Variants in UGT8 observed in about 807,000 individuals in gnomAD.
UGT8 encodes the protein UDP glycosyltransferase 8.
In UGT8, 12 loss-of-function variants were observed where a neutral mutation model predicts 40.5. That is an observed-to-expected ratio of 0.30 (90% CI 0.19 to 0.48). The LOEUF is 0.48. UGT8 is among the 20% of genes least tolerant of loss of function. The probability of loss-of-function intolerance (pLI) is 0.99; values close to 1 mark genes in which losing one functional copy is unlikely to be tolerated. For missense variants in UGT8, 513 were observed against 648.7 expected (o/e 0.79, Z 2.27); for synonymous variants, 224 against 240.4 (o/e 0.93, Z 0.63).
At chr4:114,609,775 TA>T (rs1286676131) in intron 1 of UGT8, among the ~76,000 whole-genome samples, 1 of 152,174 alleles carries the variant, frequency 6.6e-6, no homozygotes, top group Non-Finnish European at 1.5e-5. Flanking sequence ...TGATACTACT[TA>T]AATGCAGTCC....
intron 2 of UGT8, among the ~76,000 whole-genome samples, chr4:114,645,336 C>T (rs758672712): frequency 7.2e-5 from 11 of 152,094 alleles, no homozygotes; most frequent in Non-Finnish European, 1.0e-4. Context: ...CTCATGATAT[C>T]CTATGAGGTG....
chr4:114,617,369 T>G (rs1026438734), intron 1 of UGT8, among the ~76,000 whole-genome samples: 1 of 152,188 alleles, frequency 6.6e-6, no homozygotes, highest in African/African-American at 2.4e-5. Flanking sequence ...CCAAATTAAT[T>G]CACACTGAAA....
At chr4:114,671,265 C>G (rs768277604) in intron 5 of UGT8, among the ~76,000 whole-genome samples, 1 of 152,150 alleles carries the variant, frequency 6.6e-6, no homozygotes, top group Non-Finnish European at 1.5e-5. Flanking sequence ...CTATTCCCAT[C>G]AAACTACCAT....
intron 1 of UGT8, among the ~76,000 whole-genome samples, chr4:114,599,563 G>A (rs1730311030): frequency 6.6e-6 from 1 of 152,222 alleles, no homozygotes; most frequent in African/African-American, 2.4e-5. Flanking sequence ...CCGTTTCCGC[G>A]TGCCCGCGCG....
At position 114,676,388 on chromosome 4, in the gene UGT8, A is replaced by G. The variant is rs946935680; in HGVS notation, c.*100A>G. The stretch of plus-strand genomic sequence containing the variant: ...ACTAAAAGTAAAACATCAGTAAACA[A>G]TTCTAACATGCCCTTATGAGATCTA... On this transcript the variant is annotated 3_prime_UTR_variant, in exon 6 of 6. Transcript: ENST00000310836. 1.2e-5 allele frequency: 12 copies of G among 1,009,054 alleles called. No individual in the cohort carries two copies. The highest frequency in any genetic ancestry group is 1.6e-5 in the Non-Finnish European group (11 of 691,492). 62.5% of individuals were successfully genotyped at this position (1,009,054 alleles called of 1,614,324 possible).
At chr4:114,667,469 G>A (rs1734959033) in intron 4 of UGT8, among the ~76,000 whole-genome samples, 1 of 152,046 alleles carries the variant, frequency 6.6e-6, no homozygotes, top group Non-Finnish European at 1.5e-5. Context: ...ACAACTAAAT[G>A]TTATGTGATG....
chr4:114,642,624 A>G (rs1003031376), intron 2 of UGT8, among the ~76,000 whole-genome samples: 1 of 152,106 alleles, frequency 6.6e-6, no homozygotes, highest in African/African-American at 2.4e-5. Flanking sequence ...AGCCCTCATC[A>G]CTGCAGTAAA....
At chr4:114,669,545 G>A (rs905505072) in intron 5 of UGT8, among the ~76,000 whole-genome samples, 1 of 152,020 alleles carries the variant, frequency 6.6e-6, no homozygotes, top group Non-Finnish European at 1.5e-5. Context: ...GCTGAAATTG[G>A]CTCAGATGAA....
intron 1 of UGT8, among the ~76,000 whole-genome samples, chr4:114,610,031 G>C (rs557330262): frequency 6.6e-6 from 1 of 152,128 alleles, no homozygotes; most frequent in South Asian, 2.1e-4. Context: ...GTTTAATAAA[G>C]TCATGACCAA....
chr4:114,655,281 G>C (rs573800376), intron 2 of UGT8, among the ~76,000 whole-genome samples: 1 of 151,972 alleles, frequency 6.6e-6, no homozygotes, highest in Non-Finnish European at 1.5e-5. Flanking sequence ...GGAATAGCAA[G>C]GGTCTGCAAT....
At chr4:114,660,833 G>C (rs534871655) in intron 2 of UGT8, among the ~76,000 whole-genome samples, 2 of 150,310 alleles carry the variant, frequency 1.3e-5, no homozygotes, top group South Asian at 4.2e-4. Flanking sequence ...GGAGCCTGCA[G>C]TAAGCCGAGA....
intron 2 of UGT8, among the ~76,000 whole-genome samples, chr4:114,628,426 C>T (rs1443563857): frequency 6.6e-6 from 1 of 152,178 alleles, no homozygotes; most frequent in African/African-American, 2.4e-5. Context: ...AGGCATGAGC[C>T]ACTGCCCCAG....
At chr4:114,642,788 T>C (rs1030752686) in intron 2 of UGT8, among the ~76,000 whole-genome samples, 2 of 152,164 alleles carry the variant, frequency 1.3e-5, no homozygotes, top group Admixed American at 6.5e-5. Context: ...GGGAAAGTGA[T>C]AGAAAATAAA....
chr4:114,649,082 C>T (rs4377607), intron 2 of UGT8, among the ~76,000 whole-genome samples: 133,728 of 152,174 alleles, frequency 0.88, 60,524 homozygotes, highest in East Asian at 1. Flanking sequence ...TTAAAATTAA[C>T]GATGCTGGGG....
At chr4:114,667,853 T>G in intron 4 of UGT8, 1 of 829,624 alleles carries the variant, frequency 1.2e-6, no homozygotes, top group Non-Finnish European at 1.5e-6. Flanking sequence ...AATAGTAATA[T>G]ACATTTCAAC....
At chr4:114,637,516 C>G (rs936547791) in intron 2 of UGT8, among the ~76,000 whole-genome samples, 5 of 152,074 alleles carry the variant, frequency 3.3e-5, no homozygotes, top group Non-Finnish European at 7.4e-5. Context: ...AACCAAAGAT[C>G]TAGAGTTTTG....
rs923615325 is a variant in UGT8, at chr4:114,608,991, A to G, written c.-3+10017A>G. Among the ~76,000 whole-genome samples the G allele has an allele frequency of 4.6e-5, 7 of 152,192 alleles. No homozygotes were observed. The East Asian group carries it at 9.6e-4, about 21-fold the overall frequency. On this transcript the variant is annotated intron_variant, in intron 1 of 5. Transcript: ENST00000310836. ...ATTCTTTTTTCCATTCTTTGTGCCT[A>G]TTTCCTCCTTTGATAATTGCTGAAT...
Position 114,622,896 on chromosome 4 carries a change from C to T in UGT8, c.16C>T (p.Pro6Ser). 1 of 1,612,654 alleles carries T rather than the reference C, an allele frequency of 6.2e-7. No individual in the cohort carries two copies. The stretch of plus-strand genomic sequence containing the variant: ...TATTACAGCTATGAAGTCTTACACT[C>T]CATATTTCATTCTCCTGTGGAGTGC... MKSYT[P>S]YFILLWSAVG... The change falls in exon 2 of 6, where the codon CCA (proline) becomes TCA (serine). Residue 6 changes from proline (P) to serine (S), a missense_variant. By Grantham distance (74) the Pro-to-Ser change is moderately conservative. Transcript: ENST00000310836.
intron 1 of UGT8, among the ~76,000 whole-genome samples, chr4:114,601,151 C>T (rs987384627): frequency 6.6e-6 from 1 of 152,064 alleles, no homozygotes; most frequent in Non-Finnish European, 1.5e-5. Flanking sequence ...GCTTGGTACG[C>T]GTCTTAGAAT....
Sources: allele counts gnomAD v4.1 joint callset (sites outside exome capture counted in the v4.1 genomes callset), GRCh38; gene constraint gnomAD v4.1.1; transcripts MANE v1.5; gene names NCBI Gene and HGNC (gene_info 2026-07-23, HGNC 2026-07-21).